SFMBT2: variants seen among roughly 807,000 people sequenced by gnomAD.
SFMBT2 encodes scm-like with four MBT domains protein 2.
A neutral mutation model predicts 110.1 loss-of-function variants in SFMBT2; 38 were observed. The ratio of observed to expected loss-of-function variants is 0.35; its 90% CI spans 0.27 to 0.45. The LOEUF is 0.45. Among genes scored for constraint, SFMBT2 ranks in the 20% least tolerant of loss-of-function variants. The pLI is 1.00. For missense variants in SFMBT2, 1,011 were observed against 1,094.9 expected (o/e 0.92, Z 1.08); for synonymous variants, 425 against 425.4 (o/e 1.00, Z 0.01).
intron 4 of SFMBT2, among the ~76,000 whole-genome samples, chr10:7,364,847 C>A (rs1421599667): frequency 6.6e-6 from 1 of 152,230 alleles, no homozygotes; most frequent in African/African-American, 2.4e-5. Flanking sequence ...GTGGCACCTG[C>A]GTGCAGAGTT....
chr10:7,262,879 G>A (rs1314203031), intron 7 of SFMBT2, among the ~76,000 whole-genome samples: 1 of 152,154 alleles, frequency 6.6e-6, no homozygotes, highest in African/African-American at 2.4e-5. Flanking sequence ...TTCAGTTCAA[G>A]TACCCAGAAC....
intron 4 of SFMBT2, among the ~76,000 whole-genome samples, chr10:7,335,957 GA>G (rs920030886): frequency 6.7e-6 from 1 of 149,036 alleles, no homozygotes; most frequent in African/African-American, 2.5e-5. Context: ...CCACTAAAAA[GA>G]AAAAAAAAGA....
intron 4 of SFMBT2, among the ~76,000 whole-genome samples, chr10:7,321,749 G>A (rs1414978657): frequency 6.6e-6 from 1 of 152,154 alleles, no homozygotes; most frequent in East Asian, 1.9e-4. Flanking sequence ...TTTAAGCTAT[G>A]AACTACTTGA....
In SFMBT2 at chr10:7,171,822, T is replaced by C. The variant is rs1837879070; in HGVS notation, c.2415+73A>G. ...ATTTTAAACAGGTTTCCCCACATCG[T>C]GGCCCTGAAGTGTAACAGGTGTGCT... On this transcript the variant is annotated intron_variant, in intron 19 of 20. Transcript: ENST00000397167. This position sits in a 1 kb window ranked among gnomAD's most constrained non-coding sequence, Gnocchi z 4.9. The C allele has an allele frequency of 3.8e-6, 5 of 1,323,294 alleles. No individual in the cohort carries two copies. The highest frequency in any genetic ancestry group is 4.9e-6 in the Non-Finnish European group (5 of 1,030,604). 82.0% of individuals were successfully genotyped at this position (1,323,294 alleles called of 1,614,324 possible).
intron 1 of SFMBT2, 131 bp from the exon 2 acceptor site, chr10:7,382,080 A>C (rs1845442346): frequency 2.0e-6 from 1 of 492,234 alleles, no homozygotes; most frequent in South Asian, 3.5e-5. Context: ...AAGATGCAAC[A>C]TAATGTTGTA....
At chr10:7,393,021 A>G (rs1564473084) in intron 1 of SFMBT2, among the ~76,000 whole-genome samples, 2 of 70,014 alleles carry the variant, frequency 2.9e-5, no homozygotes, top group South Asian at 3.6e-4. Flanking sequence ...ATATATATAT[A>G]TATATATATA....
chr10:7,338,665 G>C (rs1303323285), intron 4 of SFMBT2, among the ~76,000 whole-genome samples: 1 of 152,162 alleles, frequency 6.6e-6, no homozygotes, highest in Non-Finnish European at 1.5e-5. Flanking sequence ...AGAAGCAGAA[G>C]AAAACCCATG....
At chr10:7,182,140 C>G (rs186963931) in intron 16 of SFMBT2, among the ~76,000 whole-genome samples, 1 of 152,138 alleles carries the variant, frequency 6.6e-6, no homozygotes, top group Non-Finnish European at 1.5e-5. Context: ...CAGGTTCAAG[C>G]GATTCTCCTG....
intron 11 of SFMBT2, among the ~76,000 whole-genome samples, chr10:7,216,131 T>A (rs1207941263): frequency 1.3e-5 from 2 of 152,218 alleles, no homozygotes; most frequent in Non-Finnish European, 2.9e-5. Flanking sequence ...ACCAGGAGCC[T>A]GCGTTCACAC....
chr10:7,315,078 A>AAGAAAGAAAG, intron 4 of SFMBT2, among the ~76,000 whole-genome samples: 1 of 144,694 alleles, frequency 6.9e-6, no homozygotes, highest in African/African-American at 2.6e-5. Flanking sequence ...GAAAGAAAGA[A>AAGAAAGAAAG]AGAAAGAAAG....
intron 16 of SFMBT2, 45 bp downstream of exon 16, chr10:7,188,579 G>A (rs1341591776): frequency 1.1e-5 from 16 of 1,443,606 alleles, no homozygotes; most frequent in Non-Finnish European, 1.6e-5. Context: ...GTAGCATGGG[G>A]AAGTATTACA....
chr10:7,244,028 C>A, intron 8 of SFMBT2: 1 of 826,984 alleles, frequency 1.2e-6, no homozygotes, highest in Non-Finnish European at 1.5e-6. Context: ...CAGACAAACC[C>A]CAGCTTAGAT....
chr10:7,315,092 GAAAGAAAGAAAGAAAGAAAA>G (rs1842968027), intron 4 of SFMBT2, among the ~76,000 whole-genome samples: 1 of 145,236 alleles, frequency 6.9e-6, no homozygotes, highest in Non-Finnish European at 1.6e-5. Context: ...AAGAAAGAAA[GAAAGAAAGAAAGAAAGAAAA>G]AGCAAGCAAG....
intron 4 of SFMBT2, among the ~76,000 whole-genome samples, chr10:7,335,754 T>C (rs1011426466): frequency 6.6e-6 from 1 of 152,188 alleles, no homozygotes; most frequent in Admixed American, 6.5e-5. Flanking sequence ...ACACTTTCTG[T>C]ATCTCAGGCA....
intron 4 of SFMBT2, among the ~76,000 whole-genome samples, chr10:7,311,657 A>T (rs993069729): frequency 3.9e-5 from 6 of 152,274 alleles, no homozygotes. Flanking sequence ...TGACAAAAAG[A>T]AAAATTTGGT....
At position 7,408,123 on chromosome 10, in the gene SFMBT2, C is replaced by T. The variant is rs1485155600; in HGVS notation, c.-52+2738G>A. ...AGCAAATTGCGCTTGTCAGCGGCGA[C>T]GTCAGGAGGACAAGGGGAGGGGTTC... On this transcript the variant is annotated intron_variant, in intron 1 of 20. Coordinates refer to ENST00000397167, the MANE Select transcript of SFMBT2 (RefSeq NM_001387889.1). The surrounding 1 kb of genome is among the most constrained non-coding windows in gnomAD (Gnocchi z 5.7). Among the ~76,000 whole-genome samples, 1 of 152,276 alleles carries T rather than the reference C, an allele frequency of 6.6e-6. No individual in the cohort carries two copies. The highest frequency in any genetic ancestry group is 1.5e-5 in the Non-Finnish European group (1 of 68,046).
Position 7,160,287 on chromosome 10 carries a change from TTA to T in SFMBT2, c.*3481_*3482del, listed in dbSNP as rs1837516189. 6.6e-6 allele frequency: 1 copy of T among 152,246 alleles called. No individual in the cohort carries two copies. The highest frequency in any genetic ancestry group is 1.5e-5 in the Non-Finnish European group (1 of 68,046). 9.4% of individuals were successfully genotyped at this position (152,246 alleles called of 1,614,324 possible). On this transcript the variant is annotated 3_prime_UTR_variant, in exon 21 of 21. Transcript: ENST00000397167. The stretch of plus-strand genomic sequence containing the variant: ...CTGTTGTTTTTCTAGGTTGTTAGGC[TTA>T]TGTCTTTGTGGACAGGATATTTTTT...
intron 20 of SFMBT2, chr10:7,164,153 G>A (rs571925821): frequency 1.0e-6 from 1 of 971,322 alleles, no homozygotes; most frequent in South Asian, 4.7e-5. Context: ...TTGGAAGGCT[G>A]AGGCTGGAGG....
chr10:7,286,988 G>C (rs553227713), intron 4 of SFMBT2, among the ~76,000 whole-genome samples: 38 of 152,104 alleles, frequency 2.5e-4, no homozygotes, highest in African/African-American at 8.4e-4. Context: ...GGGAAACTGA[G>C]GCTGTTTCAG....
Sources: allele counts gnomAD v4.1 joint callset (sites outside exome capture counted in the v4.1 genomes callset), GRCh38; gene constraint gnomAD v4.1.1; non-coding constraint Gnocchi (gnomAD v3.1); transcripts MANE v1.5; gene names NCBI Gene and HGNC (gene_info 2026-07-23, HGNC 2026-07-21).